The following ZNF208 variants were observed in gnomAD, a reference collection of about 807,000 sequenced individuals.
ZNF208 encodes zinc finger protein 95.
In ZNF208, 10 loss-of-function variants were observed where a neutral mutation model predicts 12.1. That is an observed-to-expected ratio of 0.83 (90% confidence interval 0.51 to 1.40). The LOEUF is 1.40. Among genes scored for constraint, ZNF208 ranks in the 40% most tolerant of loss-of-function variants. The pLI, the probability that ZNF208 is intolerant of heterozygous loss-of-function variation, is 0.00. For synonymous variants in ZNF208, 497 were observed against 488.4 expected (o/e 1.02, Z -0.23); for missense variants, 1,652 against 1,485.0 (o/e 1.11, Z -1.85).
chr19:21,983,360 T>C (rs959143606), intron 3 of ZNF208, among the ~76,000 whole-genome samples: 6 of 92,824 alleles, frequency 6.5e-5, no homozygotes, highest in Non-Finnish European at 1.1e-4. Context: ...AAACAACAGA[T>C]GCTGGAGATG....
chr19:21,944,738 T>C (rs545055305), intron 4 of ZNF208, among the ~76,000 whole-genome samples: 1 of 152,302 alleles, frequency 6.6e-6, no homozygotes, highest in East Asian at 1.9e-4. Context: ...AAAATTTTAA[T>C]TTTCCCACTG....
intron 4 of ZNF208, among the ~76,000 whole-genome samples, chr19:21,947,056 A>G (rs1969825374): frequency 6.6e-6 from 1 of 151,844 alleles, no homozygotes; most frequent in Non-Finnish European, 1.5e-5. Context: ...CTATGGATAT[A>G]ATCATGCTGA....
rs116768852 is a variant in ZNF208 at position 21,967,219 on chromosome 19, T to C, written c.*3972A>G. 1.4e-5 allele frequency: 2 copies of C among 147,460 alleles called. No homozygotes were observed. Among genetic ancestry groups the C allele is most frequent in the Admixed American group, 6.8e-5 (1 of 14,652 alleles). The allele number at this position is 147,460 out of a possible 1,614,324, so 9.1% of individuals were successfully genotyped here. A position where few individuals can be genotyped will look rare whatever the true frequency, so the allele number is the denominator to read the frequency against. On this transcript the variant is annotated 3_prime_UTR_variant, in exon 4 of 4. Transcript: ENST00000397126. ...CAAGTCTTTAATCTATATTGAGTTG[T>C]TTTTTTTTTATAGAAAAAGGTAGTA...
intron 1 of ZNF208, among the ~76,000 whole-genome samples, chr19:22,006,995 C>G (rs941628650): frequency 6.6e-6 from 1 of 151,996 alleles, no homozygotes; most frequent in Non-Finnish European, 1.5e-5. Context: ...ACTCAGAAAT[C>G]GAAAAACAGG....
chr19:21,974,910 G>A, intron 3 of ZNF208, 103 bp from the exon 4 acceptor site: 2 of 1,337,006 alleles, frequency 1.5e-6, no homozygotes, highest in Non-Finnish European at 2.0e-6. Context: ...TAAGCAAGAT[G>A]ACACTGCAAT....
Position 21,974,026 on chromosome 19 carries a change from A to G in ZNF208, c.1008T>C (p.Ala336=). The change falls in exon 4 of 4, where the codon GCT becomes GCC. Residue 336 remains alanine (A), a synonymous_variant. Transcript: ENST00000397126. ...STLITHKAIH[A]GEKPYKCKEC... is the part of the protein sequence containing the mutation. ...CTTTACATTTGTAGGGCTTCTCTCC[A>G]GCATGAATTGCCTTATGTGTAATAA... 2 of 1,378,038 alleles carry G rather than the reference A, an allele frequency of 1.5e-6. No homozygotes were observed. 85.4% of individuals were successfully genotyped at this position (1,378,038 alleles called of 1,614,324 possible).
At chr19:21,989,057 AT>A in intron 1 of ZNF208, 148 bp from the exon 2 acceptor site, 5 of 1,100,530 alleles carry the variant, frequency 4.5e-6, no homozygotes, top group Non-Finnish European at 6.4e-6. Flanking sequence ...TAACACAAAT[AT>A]TCTCTAACAT....
intron 1 of ZNF208, among the ~76,000 whole-genome samples, chr19:22,005,930 T>C (rs1234212786): frequency 2.0e-5 from 3 of 152,208 alleles, no homozygotes; most frequent in Admixed American, 6.5e-5. Flanking sequence ...ATGACTTAGA[T>C]GGTGCTCTTT....
intron 3 of ZNF208, among the ~76,000 whole-genome samples, chr19:21,976,075 C>A (rs1489220269): frequency 6.6e-6 from 1 of 151,946 alleles, no homozygotes; most frequent in African/African-American, 2.4e-5. Context: ...CATGCACAGA[C>A]AAAAAATTGA....
intron 4 of ZNF208, among the ~76,000 whole-genome samples, chr19:21,942,585 G>C (rs1453294994): frequency 6.6e-6 from 1 of 152,152 alleles, no homozygotes; most frequent in African/African-American, 2.4e-5. Flanking sequence ...TGCTCAACCT[G>C]TTAATCAGTG....
rs201135671 is a variant in ZNF208, at chr19:21,971,611, G to A, written c.3423C>T (p.Tyr1141=). Reference sequence around the variant, plus strand: ...AGGCTTTGCCACATTCTTCACATTTGTAGGGTTTCTCTCCAGTATGAATTA... The same window carrying A: ...AGGCTTTGCCACATTCTTCACATTTATAGGGTTTCTCTCCAGTATGAATTA... ...HKVIHTGEKP[Y]KCEECGKAYK... Residue 1141 remains tyrosine, a synonymous_variant, in exon 4 of 4, where the codon TAC becomes TAT. Coordinates refer to ENST00000397126, the MANE Select transcript of ZNF208 (RefSeq NM_007153.3). 3 of 1,612,326 alleles carry A rather than the reference G, an allele frequency of 1.9e-6. No individual in the cohort carries two copies. Among genetic ancestry groups the A allele is most frequent in the Non-Finnish European group, 2.5e-6 (3 of 1,179,912 alleles).
At chr19:21,989,237 C>A (rs572418217) in intron 1 of ZNF208, among the ~76,000 whole-genome samples, 21 of 104,004 alleles carry the variant, frequency 2.0e-4, no homozygotes, top group South Asian at 8.7e-4. Flanking sequence ...TCCCTCCCCC[C>A]ACCCCCCACC....
At chr19:21,943,539 TAA>T (rs772238624) in intron 4 of ZNF208, among the ~76,000 whole-genome samples, 2 of 152,202 alleles carry the variant, frequency 1.3e-5, no homozygotes, top group Admixed American at 6.5e-5. Flanking sequence ...ATAATAAATG[TAA>T]AAGTCTTTAT....
chr19:21,973,569 C>A lies in ZNF208; in HGVS notation c.1465G>T (p.Ala489Ser), dbSNP rs769572127. ...TAGGGTTTCTCTCCAGCATGAGTTG[C>A]CTTATCACATTCTTCACATTTGTAG... ...KPYKCEECDK[A>S]THAGEKPYKC... Residue 489 changes from alanine (A) to serine (S), a missense_variant, in exon 4 of 4, where the codon GCA (alanine) becomes TCA (serine). By Grantham distance (99) the Ala-to-Ser change is moderately conservative. This residue lies in a region of ZNF208 where 1,239 missense variants were observed against 1,086.2 expected (regional missense o/e 1.14). Transcript: ENST00000397126. The A allele has an allele frequency of 2.5e-6, 4 of 1,612,138 alleles. No individual in the cohort carries two copies. In the East Asian group the frequency reaches 6.7e-5, roughly 27 times the overall value.
At chr19:21,952,884 A>G (rs534300562) in intron 4 of ZNF208, among the ~76,000 whole-genome samples, 19 of 152,194 alleles carry the variant, frequency 1.2e-4, no homozygotes, top group Non-Finnish European at 2.5e-4. Flanking sequence ...CTAAAGGAGC[A>G]TGTTCAAAAC....
intron 4 of ZNF208, among the ~76,000 whole-genome samples, chr19:21,953,883 AAT>A (rs1455592352): frequency 6.6e-6 from 1 of 151,896 alleles, no homozygotes; most frequent in African/African-American, 2.4e-5. Flanking sequence ...CTAGTTTTTG[AAT>A]GTGTTTGCTC....
In ZNF208 at chr19:21,974,688, C is replaced by T. The variant is rs752390216; in HGVS notation, c.346G>A (p.Gly116Ser). The T allele has an allele frequency of 6.2e-7, 1 of 1,613,532 alleles. No individual in the cohort carries two copies. Among genetic ancestry groups the T allele is most frequent in the Non-Finnish European group, 8.5e-7 (1 of 1,179,716 alleles). The change falls in exon 4 of 4, where the codon GGT (glycine) becomes AGT (serine). Residue 116 changes from glycine (G) to serine (S), a missense_variant. Coordinates refer to ENST00000397126, the MANE Select transcript of ZNF208 (RefSeq NM_007153.3). ...TTACACTCATCCACATTGGTATAAC[C>T]AATTTTTAAGTGTAAATTCTCATGT... ...CGHENLHLKIGYTNVDECKVH... is the reference protein window; with the variant it reads ...CGHENLHLKISYTNVDECKVH...
intron 3 of ZNF208, among the ~76,000 whole-genome samples, chr19:21,985,196 T>A (rs1222539831): frequency 6.6e-6 from 1 of 152,122 alleles, no homozygotes; most frequent in African/African-American, 2.4e-5. Context: ...GCATTTAAAC[T>A]CTTAGAAACA....
Position 21,972,740 on chromosome 19 carries a change from C to A in ZNF208, c.2294G>T (p.Ser765Ile). 2.5e-6 allele frequency: 4 copies of A among 1,584,220 alleles called. No individual in the cohort carries two copies. Among genetic ancestry groups the A allele is most frequent in the Non-Finnish European group, 3.4e-6 (4 of 1,164,648 alleles). Reference sequence around the variant, plus strand: ...TACAGTATGAATTTTCTTATGATAACTAAGGGTTGAGGACCACTTATAGGC... The same window carrying A: ...TACAGTATGAATTTTCTTATGATAAATAAGGGTTGAGGACCACTTATAGGC... Reference protein sequence around the residue: ...GKAYKWSSTLSYHKKIHTVEK... With the variant: ...GKAYKWSSTLIYHKKIHTVEK... Residue 765 changes from serine (S) to isoleucine (I), a missense_variant, in exon 4 of 4, where the codon AGT becomes ATT. By Grantham distance (142) the Ser-to-Ile change is moderately radical. Transcript: ENST00000397126.
Sources: gnomAD v4.1 joint callset for allele counts (sites outside exome capture counted in the v4.1 genomes callset) on GRCh38, gnomAD v4.1.1 for gene constraint, gnomAD v4.1.1 regional missense constraint, MANE v1.5 for transcripts, NCBI Gene and HGNC (gene_info 2026-07-23, HGNC 2026-07-21) for gene names.